Variants in ZNF831 observed in about 807,000 individuals in gnomAD.
ZNF831 encodes zinc finger protein 831.
In ZNF831, 59 loss-of-function variants were observed where a neutral mutation model predicts 95.8. The ratio of observed to expected loss-of-function variants is 0.62; its 90% CI spans 0.50 to 0.77. ZNF831 has a LOEUF of 0.77. ZNF831 is among the 30% of genes least tolerant of loss of function. ZNF831 has a pLI of 0.00. For missense variants in ZNF831, 2,205 were observed against 2,164.0 expected (o/e 1.02, Z -0.38); for synonymous variants, 961 against 925.5 (o/e 1.04, Z -0.70).
Position 59,192,124 on chromosome 20 carries a change from C to A in ZNF831, c.1105C>A (p.His369Asn), listed in dbSNP as rs1601367194. Residue 369 changes from histidine (H) to asparagine (N), a missense_variant, in exon 2 of 6, where the codon CAC becomes AAC. Coordinates refer to ENST00000371030, the MANE Select transcript of ZNF831 (RefSeq NM_178457.3). This position sits in a 1 kb window ranked among gnomAD's most constrained non-coding sequence, Gnocchi z 5.2. The part of the protein sequence containing the change: ...PCSPLHSLSE[H>N]SAESEGEGGP... ...CAGCCCCCTGCACAGCCTTTCGGAG[C>A]ACAGCGCCGAGTCCGAGGGGGAGGG... The A allele has an allele frequency of 6.4e-7, 1 of 1,574,410 alleles. No individual in the cohort carries two copies. The highest frequency in any genetic ancestry group is 8.6e-7 in the Non-Finnish European group (1 of 1,166,124).
intron 2 of ZNF831, among the ~76,000 whole-genome samples, chr20:59,154,615 A>G (rs1980427997): frequency 6.6e-6 from 1 of 152,132 alleles, no homozygotes; most frequent in Non-Finnish European, 1.5e-5. Flanking sequence ...ACTTGGAACA[A>G]AACTTCTCCT....
intron 3 of ZNF831, among the ~76,000 whole-genome samples, chr20:59,201,721 A>G (rs991659490): frequency 1.3e-5 from 2 of 152,028 alleles, no homozygotes; most frequent in Non-Finnish European, 2.9e-5. Flanking sequence ...TCATTTGTTG[A>G]TCTATTTGTC....
At position 59,206,910 on chromosome 20, in the gene ZNF831, A is replaced by C; in HGVS notation, c.3881A>C (p.Lys1294Thr). 1 of 1,613,834 alleles carries C rather than the reference A, an allele frequency of 6.2e-7. No individual in the cohort carries two copies. The highest frequency in any genetic ancestry group is 8.5e-7 in the Non-Finnish European group (1 of 1,179,920). ...CATGCTTCTCTCTTCTACAGGTACA[A>C]AGGGAATTTCTTGCAGAGCTGTGTT... ...RKLKINPKRY[K>T]GNFLQSCVQL... is the part of the protein sequence containing the mutation. Residue 1294 changes from lysine to threonine, a missense_variant, in exon 4 of 6, where the codon AAA becomes ACA. Physicochemically the swap from Lys to Thr is moderately conservative, Grantham distance 78. Coordinates refer to ENST00000371030, the MANE Select transcript of ZNF831 (RefSeq NM_178457.3).
chr20:59,134,206 C>T (rs1313166080), intron 1 of ZNF831, among the ~76,000 whole-genome samples: 1 of 152,212 alleles, frequency 6.6e-6, no homozygotes, highest in East Asian at 1.9e-4. Context: ...CCCCTGCTCC[C>T]CTCCTGCTCT....
At chr20:59,125,003 T>C (rs867867498) in intron 1 of ZNF831, among the ~76,000 whole-genome samples, 2 of 152,222 alleles carry the variant, frequency 1.3e-5, no homozygotes, top group Non-Finnish European at 2.9e-5. Flanking sequence ...GCCTGGCCAG[T>C]GAGGCAAAGA....
At chr20:59,163,398 A>G (rs903823086), upstream of ZNF831, among the ~76,000 whole-genome samples, 1 of 152,206 alleles carries the variant, frequency 6.6e-6, no homozygotes, top group Non-Finnish European at 1.5e-5. Flanking sequence ...ATGTTGAACA[A>G]AATATCACCA....
rs1167070637 is a variant in ZNF831 at position 59,258,261 on chromosome 20, T to A, written c.*3518T>A. On this transcript the variant is annotated 3_prime_UTR_variant, in exon 6 of 6. Transcript: ENST00000371030. Reference sequence around the variant, plus strand: ...GTGGGTAACCTAGGGCAAGACAGACTTTTTCTTCCTGAAATCACTCTTCTA... The same window carrying A: ...GTGGGTAACCTAGGGCAAGACAGACATTTTCTTCCTGAAATCACTCTTCTA... The A allele has an allele frequency of 6.6e-6, 1 of 152,444 alleles. No individual in the cohort carries two copies. Among genetic ancestry groups the A allele is most frequent in the African/African-American group, 2.4e-5 (1 of 41,422 alleles). 9.4% of individuals were successfully genotyped at this position (152,444 alleles called of 1,614,324 possible).
Position 59,217,811 on chromosome 20 carries a change from T to C in ZNF831, c.4027+10755T>C, listed in dbSNP as rs75065607. ...TTTTTTTAAATCACAGAGAAGTAAG[T>C]TTCTCTTGACCAGATGTTATGTCCA... On this transcript the variant is annotated intron_variant, in intron 4 of 5. Coordinates refer to ENST00000371030, the MANE Select transcript of ZNF831 (RefSeq NM_178457.3). The surrounding 1 kb of genome is among the most constrained non-coding windows in gnomAD (Gnocchi z 4.4). 0.014 allele frequency among the ~76,000 whole-genome samples: 2,143 copies of C among 152,262 alleles called. 30 individuals carry two copies. The highest frequency in any genetic ancestry group is 0.065 in the Middle Eastern group (19 of 294).
rs545809369 is a variant in ZNF831 at position 59,258,597 on chromosome 20, T to C, written c.*3854T>C. 6.5e-6 allele frequency: 1 copy of C among 152,696 alleles called. No individual in the cohort carries two copies. The highest frequency in any genetic ancestry group is 2.1e-4 in the South Asian group (1 of 4,824). 9.5% of individuals were successfully genotyped at this position (152,696 alleles called of 1,614,324 possible). On this transcript the variant is annotated 3_prime_UTR_variant, in exon 6 of 6. Coordinates refer to ENST00000371030, the MANE Select transcript of ZNF831 (RefSeq NM_178457.3). ...ACCTGCCTGGCTCTATGGGTGATCA[T>C]ATTTCTACTGCTGCAGCAAGCTGGG...
chr20:59,175,506 C>T (rs573601978), intron 1 of ZNF831, among the ~76,000 whole-genome samples: 2 of 151,838 alleles, frequency 1.3e-5, no homozygotes, highest in Non-Finnish European at 2.9e-5. Flanking sequence ...TTCACCGATT[C>T]TTTTTTTCTG....
intron 4 of ZNF831, among the ~76,000 whole-genome samples, chr20:59,215,091 C>T (rs1169505504): frequency 2.0e-5 from 3 of 152,210 alleles, no homozygotes; most frequent in African/African-American, 7.2e-5. Flanking sequence ...TTAACTGAGA[C>T]CTGTTCTATT....
At chr20:59,179,427 A>G (rs1312615621) in intron 1 of ZNF831, among the ~76,000 whole-genome samples, 1 of 152,148 alleles carries the variant, frequency 6.6e-6, no homozygotes, top group Non-Finnish European at 1.5e-5. Flanking sequence ...ACAAATGACC[A>G]CACACTGGGG....
At chr20:59,235,837 A>G (rs1986966024) in intron 4 of ZNF831, among the ~76,000 whole-genome samples, 1 of 152,208 alleles carries the variant, frequency 6.6e-6, no homozygotes, top group Non-Finnish European at 1.5e-5. Context: ...CCTTCAAAAG[A>G]GTGAAGCACA....
chr20:59,240,495 G>T (rs1987264916), intron 4 of ZNF831, among the ~76,000 whole-genome samples: 2 of 152,040 alleles, frequency 1.3e-5, no homozygotes, highest in South Asian at 4.2e-4. Context: ...TGATTGATTT[G>T]GTTGGTTTGA....
At chr20:59,218,713 G>A (rs893936706) in intron 4 of ZNF831, among the ~76,000 whole-genome samples, 41 of 151,972 alleles carry the variant, frequency 2.7e-4, no homozygotes, top group African/African-American at 9.4e-4. Flanking sequence ...TATGGGTCCT[G>A]CACCTGTCCA....
intron 1 of ZNF831, among the ~76,000 whole-genome samples, chr20:59,175,558 C>T (rs1307986264): frequency 6.6e-6 from 1 of 151,984 alleles, no homozygotes; most frequent in Non-Finnish European, 1.5e-5. Flanking sequence ...TGAGTTTTTA[C>T]ATTTTTGATT....
chr20:59,221,020 A>G (rs1251847563), intron 4 of ZNF831, among the ~76,000 whole-genome samples: 1 of 152,226 alleles, frequency 6.6e-6, no homozygotes, highest in Non-Finnish European at 1.5e-5. Context: ...GTCCAGGAAT[A>G]CCTGACTCAT....
chr20:59,204,039 A>G (rs1285819460), intron 3 of ZNF831, among the ~76,000 whole-genome samples: 3 of 152,228 alleles, frequency 2.0e-5, no homozygotes, highest in Non-Finnish European at 4.4e-5. Context: ...GAAGCTTCCA[A>G]CAAATGGAAC....
chr20:59,125,622 G>C (rs1979148962), intron 1 of ZNF831, among the ~76,000 whole-genome samples: 1 of 152,204 alleles, frequency 6.6e-6, no homozygotes, highest in African/African-American at 2.4e-5. Flanking sequence ...AGAGTAGGAG[G>C]TGTTAGCTAT....
Sources: allele counts gnomAD v4.1 joint callset (sites outside exome capture counted in the v4.1 genomes callset), GRCh38; gene constraint gnomAD v4.1.1; non-coding constraint Gnocchi (gnomAD v3.1); transcripts MANE v1.5; gene names NCBI Gene and HGNC (gene_info 2026-07-23, HGNC 2026-07-21).